The following PADI6 variants were observed in gnomAD, a reference collection of about 807,000 sequenced individuals.
The protein encoded by PADI6 is inactive protein-arginine deiminase type-6.
In PADI6, 66 loss-of-function variants were observed where a neutral mutation model predicts 78.2. That is an observed-to-expected ratio of 0.84 (90% CI 0.69 to 1.04). The LOEUF (loss-of-function observed/expected upper bound fraction) is 1.04, where lower values mean the gene tolerates loss of function less well. PADI6 is among the 50% of genes least tolerant of loss of function. The pLI is 0.00. For missense variants in PADI6, 854 were observed against 866.1 expected (o/e 0.99, Z 0.18); for synonymous variants, 397 against 346.9 (o/e 1.14, Z -1.60).
intron 7 of PADI6, 106 bp from the exon 8 acceptor site, chr1:17,388,671 A>C: frequency 6.9e-7 from 1 of 1,459,024 alleles, no homozygotes; most frequent in Non-Finnish European, 9.3e-7. Flanking sequence ...TGCAGAAGGC[A>C]AGTGGGGCCC....
chr1:17,388,215 A>C (rs2762894), intron 6 of PADI6, among the ~76,000 whole-genome samples, 166 bp from the exon 7 acceptor site: 43,335 of 152,150 alleles, frequency 0.28, 6,353 homozygotes, highest in Middle Eastern at 0.39. Flanking sequence ...GTTGTCTACC[A>C]AGACCTGAAT....
At chr1:17,385,297 T>A (rs1399270166) in intron 6 of PADI6, among the ~76,000 whole-genome samples, 1 of 152,084 alleles carries the variant, frequency 6.6e-6, no homozygotes, top group Non-Finnish European at 1.5e-5. Context: ...AGAGTGAGCT[T>A]TAAAGACCTG....
chr1:17,391,956 G>A (rs542651419), intron 8 of PADI6, among the ~76,000 whole-genome samples, 158 bp from the exon 9 acceptor site: 2 of 152,380 alleles, frequency 1.3e-5, no homozygotes, highest in African/African-American at 4.8e-5. Context: ...CTTCTGGCTT[G>A]TGCCGAGGTC....
At chr1:17,399,353 C>T (rs868839176) in intron 15 of PADI6, among the ~76,000 whole-genome samples, 12 of 152,264 alleles carry the variant, frequency 7.9e-5, no homozygotes, top group African/African-American at 2.6e-4. Flanking sequence ...AATCCCAACA[C>T]TTTGGGAGGC....
In PADI6 at chr1:17,396,211, GC is replaced by G. The variant is rs2075246019; in HGVS notation, c.1618+551del. ...GGCCAGCCTGGCCAACATGACGAAA[GC>G]CCATCTCTACTAAAGATACGAAAAT... On this transcript the variant is annotated intron_variant, in intron 13 of 15. Transcript: ENST00000619609. Among the ~76,000 whole-genome samples the G allele has an allele frequency of 2.0e-5, 3 of 152,040 alleles. No homozygotes were observed. In the South Asian group the frequency reaches 6.2e-4, roughly 31 times the overall value.
chr1:17,380,980 G>A, intron 4 of PADI6, 67 bp from the exon 5 acceptor site: 2 of 1,345,152 alleles, frequency 1.5e-6, no homozygotes, highest in Non-Finnish European at 2.1e-6. Context: ...TCTGCTATGA[G>A]GTGCATCCGA....
chr1:17,395,912 G>A (rs111744034), intron 13 of PADI6, among the ~76,000 whole-genome samples: 86 of 152,336 alleles, frequency 5.6e-4, no homozygotes, highest in African/African-American at 1.8e-3. Context: ...TTAGTACATA[G>A]GTGGCCCCAA....
chr1:17,399,880 C>CA (rs1431061372), intron 15 of PADI6, among the ~76,000 whole-genome samples: 2 of 151,574 alleles, frequency 1.3e-5, no homozygotes, highest in African/African-American at 2.4e-5. Context: ...AGTAAGAATA[C>CA]AAAAAACTAG....
At chr1:17,395,777 G>A in intron 13 of PADI6, 114 bp downstream of exon 13, 1 of 1,374,110 alleles carries the variant, frequency 7.3e-7, no homozygotes, top group South Asian at 1.5e-5. Context: ...AAGCACAGAA[G>A]CTGTTGGAAT....
intron 6 of PADI6, among the ~76,000 whole-genome samples, chr1:17,387,865 C>A (rs780878444): frequency 2.0e-5 from 3 of 152,210 alleles, no homozygotes; most frequent in African/African-American, 7.2e-5. Flanking sequence ...AGGAGACAGG[C>A]TTAACATGTA....
chr1:17,376,499 T>C (rs1416306690), intron 3 of PADI6, among the ~76,000 whole-genome samples: 1 of 150,926 alleles, frequency 6.6e-6, no homozygotes, highest in Non-Finnish European at 1.5e-5. Flanking sequence ...TAATTTTTTT[T>C]ATTTTTAGTG....
In PADI6 at chr1:17,372,335, C is replaced by T. The variant is rs2074970041; in HGVS notation, c.90C>T (p.Gly30=). 2 of 1,613,980 alleles carry T rather than the reference C, an allele frequency of 1.2e-6. No homozygotes were observed. Among genetic ancestry groups the T allele is most frequent in the African/African-American group, 1.3e-5 (1 of 75,054 alleles). Residue 30 remains glycine, a synonymous_variant, in exon 1 of 16, where the codon GGC becomes GGT. Coordinates refer to ENST00000619609, the MANE Select transcript of PADI6 (RefSeq NM_207421.4). ...CTGTCCATGCCGTTTGTGTGTTGGG[C>T]ACAGAAATCTGCTTGGATCTCAGCG... is the stretch of plus-strand genomic sequence containing the variant. ...DSPVHAVCVL[G]TEICLDLSGC...
intron 1 of PADI6, 33 bp from the exon 2 acceptor site, chr1:17,373,023 G>T: frequency 1.3e-6 from 2 of 1,581,066 alleles, no homozygotes; most frequent in Non-Finnish European, 1.7e-6. Context: ...AGGTGTTTGT[G>T]CCCTGACGCG....
intron 9 of PADI6, among the ~76,000 whole-genome samples, 189 bp downstream of exon 9, chr1:17,392,414 G>GT (rs2075195653): frequency 6.6e-6 from 1 of 152,200 alleles, no homozygotes. Context: ...CTAAGGAATA[G>GT]TTAGAGTCCA....
At position 17,392,174 on chromosome 1, in the gene PADI6, C is replaced by A. The variant is rs758747780; in HGVS notation, c.1023C>A (p.Ser341Arg). ...CGAAGCTGAGTGAGAAGAGCAACAG[C>A]CAGGTGGCATCTGTCTATGAGGACC... is the stretch of plus-strand genomic sequence containing the variant. ...TVTKLSEKSNSQVASVYEDPN... is the reference protein window; with the variant it reads ...TVTKLSEKSNRQVASVYEDPN... The change falls in exon 9 of 16, where the codon AGC (serine) becomes AGA (arginine). Residue 341 changes from serine to arginine, a missense_variant. By Grantham distance (110) the Ser-to-Arg change is moderately radical. Coordinates refer to ENST00000619609, the MANE Select transcript of PADI6 (RefSeq NM_207421.4). 2 of 1,561,614 alleles carry A rather than the reference C, an allele frequency of 1.3e-6. No individual in the cohort carries two copies. The highest frequency in any genetic ancestry group is 3.8e-5 in the Admixed American group (2 of 52,098).
At chr1:17,380,346 G>T (rs563126300) in intron 4 of PADI6, among the ~76,000 whole-genome samples, 1 of 151,532 alleles carries the variant, frequency 6.6e-6, no homozygotes, top group South Asian at 2.1e-4. Flanking sequence ...AGCAGCTGGG[G>T]TTACAAGCGT....
intron 15 of PADI6, among the ~76,000 whole-genome samples, chr1:17,399,114 G>A (rs1183597576): frequency 2.0e-5 from 3 of 152,060 alleles, no homozygotes; most frequent in Admixed American, 6.5e-5. Flanking sequence ...AGTGAGCTGC[G>A]CCCCCAGTCT....
At chr1:17,392,262 G>A (rs1344431342) in intron 9 of PADI6, 37 bp downstream of exon 9, 1 of 1,471,726 alleles carries the variant, frequency 6.8e-7, no homozygotes, top group African/African-American at 1.4e-5. Context: ...GTCGGGGAGG[G>A]GTGGGGAGAC....
At chr1:17,375,594 G>T in intron 3 of PADI6, 95 bp downstream of exon 3, 1 of 1,152,158 alleles carries the variant, frequency 8.7e-7, no homozygotes. Flanking sequence ...AGATTCTCCA[G>T]GTAACAAGAT....
Sources: gnomAD v4.1 joint callset for allele counts (sites outside exome capture counted in the v4.1 genomes callset) on GRCh38, gnomAD v4.1.1 for gene constraint, MANE v1.5 for transcripts, NCBI Gene and HGNC (gene_info 2026-07-23, HGNC 2026-07-21) for gene names.